The following PRKRIP1 variants were observed in gnomAD, a reference collection of about 807,000 sequenced individuals.
PRKRIP1 encodes the protein PRKR-interacting protein 1.
In PRKRIP1, 29 loss-of-function variants were observed where a neutral mutation model predicts 29.3. The observed-to-expected ratio is 0.99, with a 90% CI of 0.74 to 1.35. The LOEUF (loss-of-function observed/expected upper bound fraction) is 1.35, where lower values mean the gene tolerates loss of function less well. Among genes scored for constraint, PRKRIP1 ranks in the 40% most tolerant of loss-of-function variants. The probability of loss-of-function intolerance (pLI) is 0.00; values close to 1 mark genes in which losing one functional copy is unlikely to be tolerated. For synonymous variants in PRKRIP1, 90 were observed against 85.1 expected, an observed-to-expected ratio of 1.06 and a Z score of -0.32; for missense variants, 247 against 236.8, an observed-to-expected ratio of 1.04 and a Z score of -0.28.
At chr7:102,400,745 C>T (rs1554571088) in intron 3 of PRKRIP1, among the ~76,000 whole-genome samples, 2 of 152,146 alleles carry the variant, frequency 1.3e-5, no homozygotes, top group African/African-American at 2.4e-5. Flanking sequence ...AAGTGGTTCT[C>T]CTGCCTCAGC....
At chr7:102,422,969 G>T in intron 5 of PRKRIP1, 3 of 309,008 alleles carry the variant, frequency 9.7e-6, no homozygotes, top group East Asian at 1.7e-4. Context: ...GAGCATTTTG[G>T]ATAAGGGATC....
chr7:102,397,509 G>A lies in PRKRIP1; in HGVS notation c.127-111G>A. ...TGCAGTGAGCTCTGATTGCACCACT[G>A]CACTCCAGCCTGAGGAACAGAGCAA... On this transcript the variant is annotated intron_variant, in intron 1 of 5. Transcript: ENST00000397912. 3 of 819,884 alleles carry A rather than the reference G, an allele frequency of 3.7e-6. No homozygotes were observed. The South Asian group carries it at 4.9e-5, about 13-fold the overall frequency. 50.8% of individuals were successfully genotyped at this position (819,884 alleles called of 1,614,324 possible). A position where few individuals can be genotyped will look rare whatever the true frequency, so the allele number is the denominator to read the frequency against.
Position 102,397,706 on chromosome 7 carries a change from CTGTGTGTGTGTGTGTGTG to C in PRKRIP1, c.205+22_205+39del, listed in dbSNP as rs34218257. 10 of 1,329,992 alleles carry C rather than the reference CTGTGTGTGTGTGTGTGTG, an allele frequency of 7.5e-6. No homozygotes were observed. Among genetic ancestry groups the C allele is most frequent in the South Asian group, 1.3e-5 (1 of 75,750 alleles). 82.4% of individuals were successfully genotyped at this position (1,329,992 alleles called of 1,614,324 possible). ...TTGTCCGAGATGTCATGGGTAATGG[CTGTGTGTGTGTGTGTGTG>C]TGTGTGTGTGTGTAAATATAATTTT... is the stretch of plus-strand genomic sequence containing the variant. On this transcript the variant is annotated intron_variant, in intron 2 of 5. Transcript: ENST00000397912.
Position 102,396,475 on chromosome 7 carries a change from G to C in PRKRIP1, c.64G>C (p.Val22Leu). The change falls in exon 1 of 6, where the codon GTC becomes CTC. Residue 22 changes from valine (V) to leucine (L), a missense_variant. Val to Leu is a conservative substitution (Grantham distance 32). Around this residue, in one of 3 missense-constraint regions of PRKRIP1, gnomAD observed 105 missense variants for 80.2 expected, o/e 1.31. Coordinates refer to ENST00000397912, the MANE Select transcript of PRKRIP1 (RefSeq NM_024653.4). Reference sequence around the variant, plus strand: ...GCCCAAGAAAGAGCCGCAGACGCTCGTCATCCCCAAGAATGCGGCGGAGGA... The same window carrying C: ...GCCCAAGAAAGAGCCGCAGACGCTCCTCATCCCCAAGAATGCGGCGGAGGA... ...PRPKKEPQTL[V>L]IPKNAAEEQK... 2 of 1,609,792 alleles carry C rather than the reference G, an allele frequency of 1.2e-6. No individual in the cohort carries two copies. The highest frequency in any genetic ancestry group is 1.7e-6 in the Non-Finnish European group (2 of 1,179,036).
chr7:102,407,878 G>A lies in PRKRIP1; in HGVS notation c.457+380G>A, dbSNP rs555902983. ...CATCCCTCCTCGATCTTGTCCAGGAGGGAAAATTGAGAGGATGTCTCAGCT... is the reference window on the plus strand; with the variant it reads ...CATCCCTCCTCGATCTTGTCCAGGAAGGAAAATTGAGAGGATGTCTCAGCT... On this transcript the variant is annotated intron_variant, in intron 5 of 5. Transcript: ENST00000397912. Among the ~76,000 whole-genome samples the A allele has an allele frequency of 1.6e-4, 24 of 152,270 alleles. No homozygotes were observed. In the South Asian group the frequency reaches 5.0e-3, roughly 32 times the overall value.
At chr7:102,399,719 C>A in intron 3 of PRKRIP1, 71 bp downstream of exon 3, 1 of 1,278,198 alleles carries the variant, frequency 7.8e-7, no homozygotes, top group Admixed American at 1.7e-5. Context: ...TAGAAAAAAG[C>A]ATTTGAAGAG....
At chr7:102,396,996 TA>T (rs1435425227) in intron 1 of PRKRIP1, among the ~76,000 whole-genome samples, 2 of 152,050 alleles carry the variant, frequency 1.3e-5, no homozygotes, top group East Asian at 3.9e-4. Context: ...ACGTCCTTTA[TA>T]CCTTTAACTA....
chr7:102,398,584 C>A (rs1435804944), intron 2 of PRKRIP1, among the ~76,000 whole-genome samples: 1 of 152,136 alleles, frequency 6.6e-6, no homozygotes, highest in Non-Finnish European at 1.5e-5. Context: ...AGTGCCCGGC[C>A]ATCTCCTGCA....
chr7:102,416,683 G>GCT, intron 5 of PRKRIP1, among the ~76,000 whole-genome samples: 1 of 143,182 alleles, frequency 7.0e-6, no homozygotes, highest in Admixed American at 6.9e-5. Flanking sequence ...TTTGTGGGGT[G>GCT]TTTTTTTTTT....
At chr7:102,422,451 C>T (rs1796719712) in intron 5 of PRKRIP1, among the ~76,000 whole-genome samples, 1 of 151,992 alleles carries the variant, frequency 6.6e-6, no homozygotes, top group Non-Finnish European at 1.5e-5. Flanking sequence ...TCAAGCAATT[C>T]TTCTGCCTCA....
chr7:102,408,974 G>T (rs1796303513), intron 5 of PRKRIP1, among the ~76,000 whole-genome samples: 2 of 152,188 alleles, frequency 1.3e-5, no homozygotes, highest in African/African-American at 4.8e-5. Context: ...AAGAGTTCGA[G>T]ACCAGCCTGG....
chr7:102,400,013 AAAAG>A (rs1231092440), intron 3 of PRKRIP1, among the ~76,000 whole-genome samples: 17 of 151,872 alleles, frequency 1.1e-4, no homozygotes, highest in East Asian at 5.8e-4. Flanking sequence ...AAAAAAAAAA[AAAAG>A]AGAGAAAAGA....
intron 5 of PRKRIP1, among the ~76,000 whole-genome samples, chr7:102,416,077 C>G (rs1418754290): frequency 6.6e-6 from 1 of 152,264 alleles, no homozygotes; most frequent in East Asian, 1.9e-4. Context: ...CTCTCCTCAC[C>G]TTCCTCCGGC....
intron 5 of PRKRIP1, among the ~76,000 whole-genome samples, chr7:102,422,534 G>A (rs1216040484): frequency 1.3e-5 from 2 of 151,952 alleles, no homozygotes; most frequent in Non-Finnish European, 2.9e-5. Context: ...TAGAGACGGG[G>A]TTTCGCCATG....
Position 102,426,545 on chromosome 7 carries a change from T to G in PRKRIP1, c.*1434T>G, listed in dbSNP as rs1482751536. ...AGTGTAGATTGCCCCGGCCCCTCTC[T>G]GAGCCCTGTAGCATCTGTGATAGCT... On this transcript the variant is annotated 3_prime_UTR_variant, in exon 6 of 6. Coordinates refer to ENST00000397912, the MANE Select transcript of PRKRIP1 (RefSeq NM_024653.4). The G allele has an allele frequency of 1.3e-5, 2 of 152,504 alleles. No homozygotes were observed. Among genetic ancestry groups the G allele is most frequent in the Non-Finnish European group, 2.9e-5 (2 of 68,034 alleles). 9.4% of individuals were successfully genotyped at this position (152,504 alleles called of 1,614,324 possible).
intron 4 of PRKRIP1, among the ~76,000 whole-genome samples, chr7:102,405,348 T>C (rs1796185713): frequency 6.6e-6 from 1 of 152,244 alleles, no homozygotes; most frequent in South Asian, 2.1e-4. Flanking sequence ...TATGTGTATC[T>C]GTGTGTTTAC....
At chr7:102,411,018 T>A (rs1796367277) in intron 5 of PRKRIP1, among the ~76,000 whole-genome samples, 2 of 152,138 alleles carry the variant, frequency 1.3e-5, no homozygotes, top group Admixed American at 1.3e-4. Flanking sequence ...CTTGAACTCC[T>A]GGTGGGCTCA....
chr7:102,409,628 G>C (rs1400280715), intron 5 of PRKRIP1, among the ~76,000 whole-genome samples: 1 of 152,004 alleles, frequency 6.6e-6, no homozygotes, highest in African/African-American at 2.4e-5. Context: ...TTCAAGACTA[G>C]TCTGGGCAAC....
intron 4 of PRKRIP1, 69 bp downstream of exon 4, chr7:102,404,752 C>CA: frequency 8.5e-7 from 1 of 1,181,182 alleles, no homozygotes; most frequent in Non-Finnish European, 1.2e-6. Context: ...GCTGTCCTTG[C>CA]AGTCAGTAGT....
Sources: gnomAD v4.1 joint callset for allele counts (sites outside exome capture counted in the v4.1 genomes callset) on GRCh38, gnomAD v4.1.1 for gene constraint, gnomAD v4.1.1 regional missense constraint, MANE v1.5 for transcripts, NCBI Gene and HGNC (gene_info 2026-07-23, HGNC 2026-07-21) for gene names.